Variants in USP48 observed in about 807,000 individuals in gnomAD.
USP48 encodes the protein ubiquitin specific peptidase 48.
A neutral mutation model predicts 150.7 loss-of-function variants in USP48; 43 were observed. The ratio of observed to expected loss-of-function variants is 0.29; its 90% confidence interval spans 0.22 to 0.37. The LOEUF is 0.37. Among genes scored for constraint, USP48 ranks in the 10% least tolerant of loss-of-function variants. USP48 has a pLI of 1.00. For missense variants in USP48, 813 were observed against 1,249.6 expected (o/e 0.65, Z 5.27); for synonymous variants, 396 against 425.9 (o/e 0.93, Z 0.86).
intron 1 of USP48, among the ~76,000 whole-genome samples, chr1:21,763,714 C>A (rs1369838864): frequency 1.3e-5 from 2 of 152,088 alleles, no homozygotes; most frequent in Non-Finnish European, 2.9e-5. Flanking sequence ...ACTCAGGAGG[C>A]TGAGGCAGGA....
In USP48 at chr1:21,723,799, T is replaced by C. The variant is rs187801517; in HGVS notation, c.1648+99A>G. On this transcript the variant is annotated intron_variant, in intron 12 of 26. Coordinates refer to ENST00000308271, the MANE Select transcript of USP48 (RefSeq NM_032236.8). ...AGTGTAAGGAATATTTGGTCTAGCA[T>C]AGTTTGGGTCAAATCATCATAAGCC... 61 of 1,054,390 alleles carry C rather than the reference T, an allele frequency of 5.8e-5. No individual in the cohort carries two copies. In the East Asian group the frequency reaches 1.1e-3, roughly 20 times the overall value. 65.3% of individuals were successfully genotyped at this position (1,054,390 alleles called of 1,614,324 possible). A position where few individuals can be genotyped will look rare whatever the true frequency, so the allele number is the denominator to read the frequency against.
intron 25 of USP48, among the ~76,000 whole-genome samples, chr1:21,683,057 T>C (rs2097571041): frequency 6.6e-6 from 1 of 151,928 alleles, no homozygotes; most frequent in Non-Finnish European, 1.5e-5. Flanking sequence ...CGACAGGAAT[T>C]TGAGACCAGC....
chr1:21,748,058 T>C, intron 7 of USP48, 80 bp downstream of exon 7: 1 of 1,341,366 alleles, frequency 7.5e-7, no homozygotes, highest in South Asian at 2.2e-5. Context: ...ATTACAACCA[T>C]TTTATCATCT....
intron 14 of USP48, 122 bp downstream of exon 14, chr1:21,720,914 G>A: frequency 7.7e-7 from 1 of 1,303,250 alleles, no homozygotes; most frequent in South Asian, 1.4e-5. Context: ...CTGGGCTCAA[G>A]TGATCTGCCC....
chr1:21,761,988 G>A (rs1031900567), intron 1 of USP48, among the ~76,000 whole-genome samples: 5 of 132,486 alleles, frequency 3.8e-5, no homozygotes, highest in African/African-American at 5.4e-5. Context: ...AAAACTGGCC[G>A]GGTGCAGTGG....
chr1:21,754,474 T>C (rs2097826320), intron 3 of USP48, among the ~76,000 whole-genome samples: 1 of 152,176 alleles, frequency 6.6e-6, no homozygotes, highest in African/African-American at 2.4e-5. Context: ...ACAGAAGTCT[T>C]ATCTTCTTTA....
intron 24 of USP48, 99 bp from the exon 25 acceptor site, chr1:21,687,338 C>A: frequency 1.8e-6 from 2 of 1,120,198 alleles, no homozygotes; most frequent in South Asian, 1.4e-5. Context: ...CTATAAGACA[C>A]AAACACACTG....
At chr1:21,694,960 T>C (rs1178136307) in intron 23 of USP48, 106 bp downstream of exon 23, 41 of 1,233,732 alleles carry the variant, frequency 3.3e-5, no homozygotes, top group Non-Finnish European at 4.3e-5. Context: ...TTAAGTCTTC[T>C]GGAAAAAAAC....
In USP48 at chr1:21,729,745, A is replaced by G. The variant is rs1157939309; in HGVS notation, c.1259T>C (p.Leu420Pro). 2 of 1,613,970 alleles carry G rather than the reference A, an allele frequency of 1.2e-6. No individual in the cohort carries two copies. The highest frequency in any genetic ancestry group is 1.7e-6 in the Non-Finnish European group (2 of 1,179,982). Residue 420 changes from leucine (L) to proline (P), a missense_variant, in exon 10 of 27, where the codon CTG (leucine) becomes CCG (proline). Physicochemically the swap from Leu to Pro is moderately conservative, Grantham distance 98 (BLOSUM62 -3). Transcript: ENST00000308271. ...AGTGTTGGGCTTTTCTTGAGTTTGC[A>G]GTCTATAAACCAACATATATGCATT... is the stretch of plus-strand genomic sequence containing the variant. The part of the protein sequence containing the change: ...SRNAYMLVYR[L>P]QTQEKPNTTV...
At chr1:21,687,926 G>A (rs934507079) in intron 24 of USP48, among the ~76,000 whole-genome samples, 1 of 152,184 alleles carries the variant, frequency 6.6e-6, no homozygotes, top group African/African-American at 2.4e-5. Flanking sequence ...AACAGAGGGA[G>A]GGGTTAGGTG....
chr1:21,697,642 A>G (rs545218009), intron 22 of USP48, among the ~76,000 whole-genome samples: 20 of 150,950 alleles, frequency 1.3e-4, no homozygotes, highest in Admixed American at 4.0e-4. Flanking sequence ...CAGCCTGGGC[A>G]ACAGGGCAAG....
intron 11 of USP48, chr1:21,724,379 TCTTGCC>T: frequency 1.7e-6 from 1 of 579,122 alleles, no homozygotes; most frequent in Non-Finnish European, 3.1e-6. Flanking sequence ...CCACATAGAG[TCTTGCC>T]GAATAGCACA....
chr1:21,752,789 A>T, intron 4 of USP48, 138 bp from the exon 5 acceptor site: 1 of 1,215,876 alleles, frequency 8.2e-7, no homozygotes, highest in African/African-American at 1.5e-5. Context: ...AGCTATGTTC[A>T]ATCAGTTTGT....
intron 18 of USP48, 121 bp downstream of exon 18, chr1:21,706,005 T>C: frequency 8.5e-7 from 1 of 1,177,158 alleles, no homozygotes; most frequent in South Asian, 1.6e-5. Context: ...GCTTTCAGTG[T>C]ATGCTGGTGA....
At chr1:21,682,685 G>GA in intron 25 of USP48, among the ~76,000 whole-genome samples, 1 of 152,096 alleles carries the variant, frequency 6.6e-6, no homozygotes, top group South Asian at 2.1e-4. Context: ...GAGCAGCCTG[G>GA]ACAACATAGT....
chr1:21,753,163 CTT>C, intron 3 of USP48, 44 bp from the exon 4 acceptor site: 1 of 1,565,086 alleles, frequency 6.4e-7, no homozygotes, highest in Non-Finnish European at 8.6e-7. Flanking sequence ...TAAGGTGCTA[CTT>C]TTCTTTCCAA....
chr1:21,706,378 T>G, intron 17 of USP48, 89 bp downstream of exon 17: 2 of 1,584,392 alleles, frequency 1.3e-6, no homozygotes, highest in South Asian at 2.3e-5. Context: ...TATGAGAAGT[T>G]CTGGGTTGTT....
At chr1:21,717,706 C>G (rs561325255) in intron 14 of USP48, among the ~76,000 whole-genome samples, 1 of 152,104 alleles carries the variant, frequency 6.6e-6, no homozygotes, top group South Asian at 2.1e-4. Context: ...GCCTGTAATC[C>G]CAGCACTTTG....
intron 1 of USP48, among the ~76,000 whole-genome samples, chr1:21,777,638 G>C (rs1243780042): frequency 1.3e-5 from 2 of 152,118 alleles, no homozygotes. Flanking sequence ...CTGCACTCCA[G>C]GTTGGGCAAC....
Sources: gnomAD v4.1 joint callset for allele counts (sites outside exome capture counted in the v4.1 genomes callset) on GRCh38, gnomAD v4.1.1 for gene constraint, MANE v1.5 for transcripts, NCBI Gene and HGNC (gene_info 2026-07-23, HGNC 2026-07-21) for gene names.